The following RGS20 variants were observed in gnomAD, a reference collection of about 807,000 sequenced individuals.
The protein encoded by RGS20 is gz-selective GTPase-activating protein.
A neutral mutation model predicts 33.6 loss-of-function variants in RGS20; 30 were observed. That is an observed-to-expected ratio of 0.89 (90% confidence interval 0.67 to 1.21). The LOEUF (loss-of-function observed/expected upper bound fraction) is 1.21, where lower values mean the gene tolerates loss of function less well. RGS20 is among the 50% of genes most tolerant of loss of function. The pLI, the probability that RGS20 is intolerant of heterozygous loss-of-function variation, is 0.00. For synonymous variants in RGS20, 208 were observed against 197.9 expected, an observed-to-expected ratio of 1.05 and a Z score of -0.43; for missense variants, 472 against 502.4, an observed-to-expected ratio of 0.94 and a Z score of 0.58.
Position 53,899,459 on chromosome 8 carries a change from A to AT in RGS20, c.510+19857_510+19858insT, listed in dbSNP as rs1812952281. 3.9e-5 allele frequency among the ~76,000 whole-genome samples: 6 copies of AT among 152,186 alleles called. 1 individual carries two copies. Among genetic ancestry groups the AT allele is most frequent in the Non-Finnish European group, 7.3e-5 (5 of 68,030 alleles). Reference sequence around the variant, plus strand: ...GTAAATTAAAATACCAGCATTTAAAAACTGTTTTATGACATCCATTCATAG... The same window carrying AT: ...GTAAATTAAAATACCAGCATTTAAAATACTGTTTTATGACATCCATTCATAG... On this transcript the variant is annotated intron_variant, in intron 2 of 5. Coordinates refer to ENST00000297313, the MANE Select transcript of RGS20 (RefSeq NM_170587.4).
chr8:53,890,498 C>A (rs956153724), intron 2 of RGS20, among the ~76,000 whole-genome samples: 2 of 152,092 alleles, frequency 1.3e-5, no homozygotes, highest in Non-Finnish European at 2.9e-5. Flanking sequence ...TATAAAGAAA[C>A]TGTGTAGGTT....
chr8:53,918,369 T>C (rs977807212), intron 2 of RGS20, among the ~76,000 whole-genome samples: 4 of 150,502 alleles, frequency 2.7e-5, no homozygotes, highest in Non-Finnish European at 5.9e-5. Context: ...TCACTTCACT[T>C]CACATATTTT....
At chr8:53,910,300 C>T (rs1813316379) in intron 2 of RGS20, among the ~76,000 whole-genome samples, 1 of 152,116 alleles carries the variant, frequency 6.6e-6, no homozygotes, top group Non-Finnish European at 1.5e-5. Context: ...CAAGACCCTC[C>T]ACCAAGGAAG....
chr8:53,918,380 C>CTT, intron 2 of RGS20, among the ~76,000 whole-genome samples: 1 of 149,822 alleles, frequency 6.7e-6, no homozygotes, highest in East Asian at 2.0e-4. Flanking sequence ...CACATATTTT[C>CTT]TTTTTTTTTC....
intron 2 of RGS20, among the ~76,000 whole-genome samples, chr8:53,891,953 A>G (rs1321580866): frequency 1.3e-5 from 2 of 151,860 alleles, no homozygotes; most frequent in African/African-American, 2.4e-5. Flanking sequence ...GGTTAGTTAC[A>G]TATGTATACA....
At chr8:53,869,043 G>A (rs1439937018) in intron 1 of RGS20, among the ~76,000 whole-genome samples, 4 of 152,092 alleles carry the variant, frequency 2.6e-5, no homozygotes, top group South Asian at 2.1e-4. Flanking sequence ...ATGAGCCACC[G>A]CGCCTGGAAA....
At chr8:53,886,998 T>G (rs1812565487) in intron 2 of RGS20, 1 of 154,780 alleles carries the variant, frequency 6.5e-6, no homozygotes, top group South Asian at 2.0e-4. Context: ...TTTTATTAAC[T>G]AATACACAAT....
chr8:53,883,143 T>C (rs908729221), intron 2 of RGS20, among the ~76,000 whole-genome samples: 9 of 151,506 alleles, frequency 5.9e-5, no homozygotes, highest in Admixed American at 5.9e-4. Flanking sequence ...GTTCGTTAAG[T>C]GACATCTTTC....
intron 2 of RGS20, among the ~76,000 whole-genome samples, chr8:53,881,799 T>C (rs935126461): frequency 2.0e-5 from 3 of 152,044 alleles, no homozygotes; most frequent in Admixed American, 2.0e-4. Flanking sequence ...GGGATTTTCC[T>C]GGAACAAACC....
chr8:53,886,056 C>T (rs1812534713), intron 2 of RGS20, among the ~76,000 whole-genome samples: 1 of 152,142 alleles, frequency 6.6e-6, no homozygotes, highest in African/African-American at 2.4e-5. Context: ...AGTGCACCAC[C>T]AGGTGACTCA....
chr8:53,911,710 G>A (rs1313256558), intron 2 of RGS20, among the ~76,000 whole-genome samples: 1 of 152,230 alleles, frequency 6.6e-6, no homozygotes, highest in East Asian at 1.9e-4. Context: ...GAGGTGGGTG[G>A]ATCACTTGAG....
rs1387939982 is a variant in RGS20, at chr8:53,877,599, G to A, written c.166-1659G>A. Among the ~76,000 whole-genome samples the A allele has an allele frequency of 1.1e-4, 17 of 152,210 alleles. No individual in the cohort carries two copies. Among genetic ancestry groups the A allele is most frequent in the Admixed American group, 7.2e-4 (11 of 15,288 alleles). ...TTGGCGCTTCTCCAGAAGCCTCCTC[G>A]GCTCCCAGCTCCAGCCCCTAAAATA... On this transcript the variant is annotated intron_variant, in intron 1 of 5. Coordinates refer to ENST00000297313, the MANE Select transcript of RGS20 (RefSeq NM_170587.4). This position sits in a 1 kb window ranked among gnomAD's most constrained non-coding sequence, Gnocchi z 5.7.
chr8:53,924,713 A>G (rs560358145), intron 2 of RGS20, among the ~76,000 whole-genome samples: 30 of 152,274 alleles, frequency 2.0e-4, no homozygotes, highest in Admixed American at 7.2e-4. Context: ...CCATCTAGAA[A>G]CATTAAGATT....
Position 53,851,920 on chromosome 8 carries a change from T to C in RGS20, c.21T>C (p.Asp7=). The change falls in exon 1 of 6, where the codon GAT becomes GAC. Residue 7 remains aspartate, a synonymous_variant. Transcript: ENST00000297313. Reference sequence around the variant, plus strand: ...AAAACATGCCCCAGCTTTCCCAAGATAACCAAGAGTGCCTCCAGAAACATT... The same window carrying C: ...AAAACATGCCCCAGCTTTCCCAAGACAACCAAGAGTGCCTCCAGAAACATT... The C allele has an allele frequency of 6.2e-7, 1 of 1,614,078 alleles. No individual in the cohort carries two copies. Among genetic ancestry groups the C allele is most frequent in the Non-Finnish European group, 8.5e-7 (1 of 1,179,990 alleles).
intron 1 of RGS20, among the ~76,000 whole-genome samples, chr8:53,858,501 T>TAC (rs139879718): frequency 4.9e-4 from 74 of 151,378 alleles, no homozygotes; most frequent in East Asian, 1.7e-3. Flanking sequence ...TATATATATA[T>TAC]ACACACACAC....
chr8:53,894,777 C>A (rs1458147305), intron 2 of RGS20, among the ~76,000 whole-genome samples: 1 of 152,184 alleles, frequency 6.6e-6, no homozygotes, highest in African/African-American at 2.4e-5. Context: ...ATCTCAAAAT[C>A]TCCACAAAAT....
rs34316630 is a variant in RGS20, at chr8:53,889,412, C to CTTTTTTTTTTTTTTTTT, written c.510+9833_510+9849dup. On this transcript the variant is annotated intron_variant, in intron 2 of 5. Transcript: ENST00000297313. ...TCTTTCTTTCTTTCTCTCTCTCTCT[C>CTTTTTTTTTTTTTTTTT]TTTTTTTTTTTTTTTTTTTTTTTTT... Among the ~76,000 whole-genome samples the CTTTTTTTTTTTTTTTTT allele has an allele frequency of 2.2e-4, 9 of 41,834 alleles. 4 individuals are homozygous for CTTTTTTTTTTTTTTTTT. The highest frequency in any genetic ancestry group is 5.6e-4 in the Non-Finnish European group (9 of 16,082). 27.4% of individuals were successfully genotyped at this position (41,834 alleles called of 152,430 possible).
At chr8:53,856,315 A>G (rs112713054) in intron 1 of RGS20, among the ~76,000 whole-genome samples, 2 of 151,424 alleles carry the variant, frequency 1.3e-5, no homozygotes, top group African/African-American at 4.9e-5. Flanking sequence ...TCCCAGGTTC[A>G]AGTGATTCTC....
rs142086490 is a variant in RGS20, at chr8:53,869,869, G to A, written c.166-9389G>A. ...ATTGGCCAAGAGAGCAGAGAAAGGA[G>A]CGTGGCTTGGGGTTCATAGTGGGAC... is the stretch of plus-strand genomic sequence containing the variant. On this transcript the variant is annotated intron_variant, in intron 1 of 5. Transcript: ENST00000297313. 3.2e-3 allele frequency among the ~76,000 whole-genome samples: 489 copies of A among 152,240 alleles called. 5 individuals are homozygous for A. Among genetic ancestry groups the A allele is most frequent in the African/African-American group, 0.011 (471 of 41,550 alleles).
Sources: allele counts gnomAD v4.1 joint callset (sites outside exome capture counted in the v4.1 genomes callset), GRCh38; gene constraint gnomAD v4.1.1; non-coding constraint Gnocchi (gnomAD v3.1); transcripts MANE v1.5; gene names NCBI Gene and HGNC (gene_info 2026-07-23, HGNC 2026-07-21).